CCSER2: variants seen among roughly 807,000 people sequenced by gnomAD.
CCSER2 encodes coiled-coil serine rich protein 2.
A neutral mutation model predicts 92.3 loss-of-function variants in CCSER2; 46 were observed. The observed-to-expected ratio is 0.50, with a 90% CI of 0.39 to 0.64. The LOEUF (loss-of-function observed/expected upper bound fraction) is 0.64, where lower values mean the gene tolerates loss of function less well. Ranked by LOEUF, CCSER2 falls within the 30% of genes least tolerant of loss-of-function variation. CCSER2 has a pLI of 0.00. For synonymous variants in CCSER2, 433 were observed against 431.4 expected, an observed-to-expected ratio of 1.00 and a Z score of -0.04; for missense variants, 1,244 against 1,238.9, an observed-to-expected ratio of 1.00 and a Z score of -0.06.
intron 1 of CCSER2, among the ~76,000 whole-genome samples, chr10:84,353,326 G>A (rs1332007008): frequency 6.6e-6 from 1 of 152,098 alleles, no homozygotes; most frequent in East Asian, 1.9e-4. Flanking sequence ...AGCAGCCCGA[G>A]CCAGCCCCAG....
At chr10:84,472,790 T>C (rs970993) in intron 8 of CCSER2, among the ~76,000 whole-genome samples, 96,990 of 151,964 alleles carry the variant, frequency 0.64, 31,156 homozygotes, top group Middle Eastern at 0.67. Context: ...TTTAAAAAAA[T>C]AAGAACAGGT....
chr10:84,331,611 C>G (rs1843566522), intron 1 of CCSER2, among the ~76,000 whole-genome samples: 1 of 152,108 alleles, frequency 6.6e-6, no homozygotes, highest in African/African-American at 2.4e-5. Context: ...CTATCTTACT[C>G]CTATGTGATA....
chr10:84,378,311 A>C (rs964216632), intron 3 of CCSER2, among the ~76,000 whole-genome samples: 1 of 152,076 alleles, frequency 6.6e-6, no homozygotes, highest in African/African-American at 2.4e-5. Context: ...TTGATTTTCA[A>C]ATAGTAAACT....
intron 1 of CCSER2, among the ~76,000 whole-genome samples, chr10:84,345,012 G>C (rs981260377): frequency 6.6e-6 from 1 of 152,142 alleles, no homozygotes; most frequent in Non-Finnish European, 1.5e-5. Context: ...AATATCAGCT[G>C]CTGTTTTTAG....
At chr10:84,418,161 A>C (rs1842970023) in intron 4 of CCSER2, among the ~76,000 whole-genome samples, 1 of 151,880 alleles carries the variant, frequency 6.6e-6, no homozygotes, top group Non-Finnish European at 1.5e-5. Context: ...CCTTTATCTC[A>C]TTTTGATTTT....
chr10:84,447,141 A>G (rs1054360743), intron 6 of CCSER2, among the ~76,000 whole-genome samples: 1 of 152,150 alleles, frequency 6.6e-6, no homozygotes, highest in Non-Finnish European at 1.5e-5. Flanking sequence ...TGAGTCCTGA[A>G]GCATGGAAAT....
intron 1 of CCSER2, among the ~76,000 whole-genome samples, chr10:84,350,516 A>G (rs540709544): frequency 1.3e-5 from 2 of 152,304 alleles, no homozygotes; most frequent in South Asian, 2.1e-4. Context: ...AAATATTTGA[A>G]TATTTGAGTG....
In CCSER2 at chr10:84,392,140, C is replaced by G. The variant is rs886314991; in HGVS notation, c.1614+18325C>G. ...CACCCAGGGAAAATACTACCCTTTACGGGGGGAAGGGTAAACCGGTAGGGA... is the reference window on the plus strand; with the variant it reads ...CACCCAGGGAAAATACTACCCTTTAGGGGGGGAAGGGTAAACCGGTAGGGA... On this transcript the variant is annotated intron_variant, in intron 3 of 9. Transcript: ENST00000372088. 2.1e-5 allele frequency: 13 copies of G among 611,752 alleles called. No individual in the cohort carries two copies. In the East Asian group the frequency reaches 3.7e-4, roughly 18 times the overall value. The allele number at this position is 611,752 out of a possible 1,614,324, so 37.9% of individuals were successfully genotyped here. A position where few individuals can be genotyped will look rare whatever the true frequency, so the allele number is the denominator to read the frequency against.
chr10:84,505,658 C>A (rs567237622), intron 9 of CCSER2, among the ~76,000 whole-genome samples: 1 of 151,924 alleles, frequency 6.6e-6, no homozygotes, highest in Non-Finnish European at 1.5e-5. Flanking sequence ...TGGTTAACAT[C>A]AAATATGGTA....
At chr10:84,448,213 T>G (rs577680173) in intron 6 of CCSER2, among the ~76,000 whole-genome samples, 1 of 152,248 alleles carries the variant, frequency 6.6e-6, no homozygotes, top group Admixed American at 6.5e-5. Flanking sequence ...CCTTTACTCA[T>G]TGTCATGCCT....
intron 3 of CCSER2, among the ~76,000 whole-genome samples, chr10:84,393,308 A>G (rs1390414185): frequency 2.6e-5 from 4 of 152,268 alleles, no homozygotes; most frequent in South Asian, 4.1e-4. Flanking sequence ...TATACTACTC[A>G]TGATTCTATC....
chr10:84,337,541 G>A (rs1843907484), intron 1 of CCSER2, among the ~76,000 whole-genome samples: 1 of 152,232 alleles, frequency 6.6e-6, no homozygotes, highest in Non-Finnish European at 1.5e-5. Flanking sequence ...ATTGTAGACT[G>A]CTGGGATAGA....
intron 1 of CCSER2, among the ~76,000 whole-genome samples, chr10:84,333,868 T>A (rs1327396822): frequency 6.6e-6 from 1 of 152,248 alleles, no homozygotes; most frequent in Non-Finnish European, 1.5e-5. Flanking sequence ...TTCACAGCGT[T>A]GACTGTGATG....
Position 84,428,003 on chromosome 10 carries a change from C to G in CCSER2, c.1868+2110C>G, listed in dbSNP as rs78769285. 3.3e-4 allele frequency among the ~76,000 whole-genome samples: 50 copies of G among 152,292 alleles called. 1 individual carries two copies. The East Asian group carries it at 8.1e-3, about 25-fold the overall frequency. On this transcript the variant is annotated intron_variant, in intron 5 of 9. Coordinates refer to ENST00000372088, the MANE Select transcript of CCSER2 (RefSeq NM_001284240.2). ...GACTTAGGGCATTTGGCTGTATCAACTCTTCTTTACTGGTTCCTACCTGGA... is the reference window on the plus strand; with the variant it reads ...GACTTAGGGCATTTGGCTGTATCAAGTCTTCTTTACTGGTTCCTACCTGGA...
intron 4 of CCSER2, among the ~76,000 whole-genome samples, chr10:84,424,002 A>G (rs1024712381): frequency 3.3e-5 from 5 of 150,694 alleles, no homozygotes; most frequent in Admixed American, 6.6e-5. Flanking sequence ...AAAAAAAAAA[A>G]AAGACTCTCC....
chr10:84,510,502 A>G (rs1849294044), intron 9 of CCSER2, among the ~76,000 whole-genome samples: 1 of 152,242 alleles, frequency 6.6e-6, no homozygotes, highest in African/African-American at 2.4e-5. Flanking sequence ...TACATGATAC[A>G]TAATAAACAT....
intron 3 of CCSER2, among the ~76,000 whole-genome samples, chr10:84,374,941 A>G (rs1223290777): frequency 6.6e-6 from 1 of 152,086 alleles, no homozygotes; most frequent in Non-Finnish European, 1.5e-5. Flanking sequence ...ATTTTTTTTA[A>G]CCGTTGTCAA....
At chr10:84,395,328 T>C (rs779610440) in intron 3 of CCSER2, among the ~76,000 whole-genome samples, 5 of 152,126 alleles carry the variant, frequency 3.3e-5, no homozygotes, top group African/African-American at 4.8e-5. Context: ...GGAGAAAATA[T>C]TGAATTCTGC....
At chr10:84,473,352 G>A (rs997232984) in intron 8 of CCSER2, among the ~76,000 whole-genome samples, 5 of 152,054 alleles carry the variant, frequency 3.3e-5, no homozygotes, top group Non-Finnish European at 7.4e-5. Context: ...AGGAGCTGTG[G>A]CCCCGTACCA....
Sources: gnomAD v4.1 joint callset for allele counts (sites outside exome capture counted in the v4.1 genomes callset) on GRCh38, gnomAD v4.1.1 for gene constraint, MANE v1.5 for transcripts, NCBI Gene and HGNC (gene_info 2026-07-23, HGNC 2026-07-21) for gene names.